Variants in SPTBN4 observed in about 807,000 individuals in gnomAD.
The protein encoded by SPTBN4 is spectrin beta chain, non-erythrocytic 4.
A neutral mutation model predicts 277.8 loss-of-function variants in SPTBN4; 96 were observed. The observed-to-expected ratio is 0.35, with a 90% CI of 0.29 to 0.41. The LOEUF is 0.41. Ranked by LOEUF, SPTBN4 falls within the 10% of genes least tolerant of loss-of-function variation. SPTBN4 has a pLI of 1.00. For synonymous variants in SPTBN4, 1,481 were observed against 1,580.3 expected, an observed-to-expected ratio of 0.94 and a Z score of 1.49; for missense variants, 3,006 against 3,595.7, an observed-to-expected ratio of 0.84 and a Z score of 4.19.
chr19:40,473,387 C>G (rs1381756302), intron 2 of SPTBN4, among the ~76,000 whole-genome samples: 5 of 93,890 alleles, frequency 5.3e-5, no homozygotes, highest in Non-Finnish European at 1.0e-4. Context: ...GACGGAGTTT[C>G]GCTCTTGTTG....
In SPTBN4 at chr19:40,486,523, C is replaced by T. The variant is rs2080074212; in HGVS notation, c.170-1174C>T. Reference sequence around the variant, plus strand: ...GAGATGGGACTACAGGGGCATTCCACCCTGCCTGGCTAATTTTTTGTATTT... The same window carrying T: ...GAGATGGGACTACAGGGGCATTCCATCCTGCCTGGCTAATTTTTTGTATTT... On this transcript the variant is annotated intron_variant, in intron 2 of 35. Coordinates refer to ENST00000598249, the MANE Select transcript of SPTBN4 (RefSeq NM_020971.3). Among the ~76,000 whole-genome samples the T allele has an allele frequency of 2.6e-5, 4 of 152,076 alleles. No homozygotes were observed. The South Asian group carries it at 8.3e-4, about 32-fold the overall frequency.
At chr19:40,530,287 T>G (rs1364672581) in intron 18 of SPTBN4, among the ~76,000 whole-genome samples, 2 of 151,964 alleles carry the variant, frequency 1.3e-5, no homozygotes, top group African/African-American at 4.8e-5. Flanking sequence ...CCCCCATCCC[T>G]CATGAGATTG....
rs2080329739 is a variant in SPTBN4 at position 40,506,324 on chromosome 19, C to A, written c.1754C>A (p.Ala585Asp). The A allele has an allele frequency of 6.2e-7, 1 of 1,613,978 alleles. No individual in the cohort carries two copies. The highest frequency in any genetic ancestry group is 1.3e-5 in the African/African-American group (1 of 74,936). The change falls in exon 13 of 36, where the codon GCC becomes GAC. Residue 585 changes from alanine to aspartate, a missense_variant. This residue lies in a region of SPTBN4 where 1,759 missense variants were observed against 2,061.5 expected (regional missense o/e 0.85). Coordinates refer to ENST00000598249, the MANE Select transcript of SPTBN4 (RefSeq NM_020971.3). ...QKHGLLEGDIAAQSERVEALN... is the reference protein window; with the variant it reads ...QKHGLLEGDIDAQSERVEALN... Reference sequence around the variant, plus strand: ...CATGGACTGCTGGAGGGAGACATTGCCGCCCAGAGCGAGCGGGTGGAGGCT... The same window carrying A: ...CATGGACTGCTGGAGGGAGACATTGACGCCCAGAGCGAGCGGGTGGAGGCT...
chr19:40,570,908 C>A, intron 33 of SPTBN4, 180 bp downstream of exon 33: 3 of 490,712 alleles, frequency 6.1e-6, no homozygotes, highest in South Asian at 5.5e-5. Context: ...AACCAATGAG[C>A]AGGAGGGGGT....
chr19:40,544,008 C>T (rs928804911), intron 20 of SPTBN4, among the ~76,000 whole-genome samples: 1 of 152,138 alleles, frequency 6.6e-6, no homozygotes, highest in East Asian at 1.9e-4. Flanking sequence ...CTCATCCCCT[C>T]CCCCAGTAAG....
chr19:40,509,642 A>T (rs2080369191), intron 13 of SPTBN4, among the ~76,000 whole-genome samples: 1 of 152,194 alleles, frequency 6.6e-6, no homozygotes, highest in South Asian at 2.1e-4. Context: ...GAGGAAACTG[A>T]GGCCCAGGCC....
chr19:40,544,377 C>T lies in SPTBN4; in HGVS notation c.4360-4812C>T, dbSNP rs183672403. On this transcript the variant is annotated intron_variant, in intron 20 of 35. Transcript: ENST00000598249. ...CAGCATGGTGTCTATCTCTTGACCT[C>T]GTGATCCGCCCGCCTCAGCCTTCCA... Among the ~76,000 whole-genome samples, 22 of 147,954 alleles carry T rather than the reference C, an allele frequency of 1.5e-4. No homozygotes were observed. The East Asian group carries it at 3.4e-3, about 23-fold the overall frequency.
At chr19:40,563,610 A>G (rs1299854629) in intron 27 of SPTBN4, among the ~76,000 whole-genome samples, 1 of 100,276 alleles carries the variant, frequency 1.0e-5, no homozygotes, top group Non-Finnish European at 2.0e-5. Flanking sequence ...GCAGTTTCGA[A>G]CTTCTGGCCT....
intron 20 of SPTBN4, among the ~76,000 whole-genome samples, chr19:40,544,440 CTTTTTT>C (rs3071333): frequency 1.7e-4 from 9 of 51,748 alleles, no homozygotes; most frequent in African/African-American, 2.7e-4. Flanking sequence ...TTGTGCCCGG[CTTTTTT>C]TTTTTTTTTT....
At chr19:40,529,227 G>A in intron 18 of SPTBN4, 96 bp downstream of exon 18, 1 of 1,216,966 alleles carries the variant, frequency 8.2e-7, no homozygotes, top group Non-Finnish European at 1.2e-6. Context: ...CCCCGTCTAA[G>A]TGGGTCGCGG....
intron 26 of SPTBN4, 105 bp downstream of exon 26, chr19:40,557,508 C>A: frequency 7.3e-7 from 1 of 1,378,860 alleles, no homozygotes; most frequent in Non-Finnish European, 9.6e-7. Context: ...TAGGCAGTGG[C>A]ACAGACAGAA....
At chr19:40,520,986 G>A (rs1049158201) in intron 16 of SPTBN4, among the ~76,000 whole-genome samples, 3 of 151,846 alleles carry the variant, frequency 2.0e-5, no homozygotes, top group East Asian at 3.9e-4. Flanking sequence ...GGGCAGTGGC[G>A]TGATCTCAGC....
At position 40,519,932 on chromosome 19, in the gene SPTBN4, C is replaced by A; in HGVS notation, c.3435C>A (p.Asp1145Glu). The A allele has an allele frequency of 6.4e-7, 1 of 1,558,384 alleles. No individual in the cohort carries two copies. The highest frequency in any genetic ancestry group is 8.6e-7 in the Non-Finnish European group (1 of 1,159,502). Residue 1145 changes from aspartate to glutamate, a missense_variant, in exon 16 of 36, where the codon GAC becomes GAA. Asp to Glu is a conservative substitution (Grantham distance 45). Coordinates refer to ENST00000598249, the MANE Select transcript of SPTBN4 (RefSeq NM_020971.3). The surrounding 1 kb of genome is among the most constrained non-coding windows in gnomAD (Gnocchi z 5.7). ...LKEEVDQREEDYARIVAASEA... is the reference protein window; with the variant it reads ...LKEEVDQREEEYARIVAASEA... ...AGGAGGTGGACCAGCGCGAGGAAGACTATGCTCGCATCGTGGCGGCCAGCG... is the reference window on the plus strand; with the variant it reads ...AGGAGGTGGACCAGCGCGAGGAAGAATATGCTCGCATCGTGGCGGCCAGCG...
At chr19:40,472,849 A>G in intron 2 of SPTBN4, 59 bp downstream of exon 2, 1 of 1,438,996 alleles carries the variant, frequency 6.9e-7, no homozygotes, top group South Asian at 1.3e-5. Flanking sequence ...AGGGTGCCCG[A>G]GAACCTTGGT....
Position 40,502,864 on chromosome 19 carries a change from A to G in SPTBN4, c.1293A>G (p.Ala431=). 1 of 1,613,910 alleles carries G rather than the reference A, an allele frequency of 6.2e-7. No individual in the cohort carries two copies. The change falls in exon 11 of 36, where the codon GCA becomes GCG. Residue 431 remains alanine (A), a synonymous_variant. Coordinates refer to ENST00000598249, the MANE Select transcript of SPTBN4 (RefSeq NM_020971.3). The surrounding 1 kb of genome is among the most constrained non-coding windows in gnomAD (Gnocchi z 4.9). ...LIRQEKLELL[A]QRFDHKVAMR... ...GGCAGGAGAAGCTGGAACTACTGGC[A>G]CAGAGGTTTGACCACAAGGTGGCTA...
intron 20 of SPTBN4, among the ~76,000 whole-genome samples, chr19:40,543,888 T>C (rs2080827056): frequency 6.6e-6 from 1 of 152,198 alleles, no homozygotes; most frequent in Non-Finnish European, 1.5e-5. Flanking sequence ...CTTTTCATGT[T>C]TAATTTCAAT....
At chr19:40,503,169 G>A (rs534803771) in intron 11 of SPTBN4, among the ~76,000 whole-genome samples, 1 of 151,998 alleles carries the variant, frequency 6.6e-6, no homozygotes, top group Non-Finnish European at 1.5e-5. Context: ...GGTAACTAGA[G>A]AGGGCAGAAT....
At chr19:40,516,286 A>T (rs2080460163) in intron 15 of SPTBN4, among the ~76,000 whole-genome samples, 1 of 150,834 alleles carries the variant, frequency 6.6e-6, no homozygotes. Context: ...CATAGTAAAG[A>T]TCCTAGAATT....
chr19:40,560,372 G>T lies in SPTBN4; in HGVS notation c.5884G>T (p.Ala1962Ser). The stretch of plus-strand genomic sequence containing the variant: ...CCTGCTCTCCTGGATGGATGGCATC[G>T]CCAGCCAGATTGGGGCAGCCGACAA... ...RDLLSWMDGI[A>S]SQIGAADKPR... The change falls in exon 27 of 36, where the codon GCC becomes TCC. Residue 1962 changes from alanine (A) to serine (S), a missense_variant. Coordinates refer to ENST00000598249, the MANE Select transcript of SPTBN4 (RefSeq NM_020971.3). This position sits in a 1 kb window ranked among gnomAD's most constrained non-coding sequence, Gnocchi z 5.2. 1 of 1,613,830 alleles carries T rather than the reference G, an allele frequency of 6.2e-7. No individual in the cohort carries two copies. Among genetic ancestry groups the T allele is most frequent in the Non-Finnish European group, 8.5e-7 (1 of 1,180,032 alleles).
Sources: allele counts gnomAD v4.1 joint callset (sites outside exome capture counted in the v4.1 genomes callset), GRCh38; gene constraint gnomAD v4.1.1; regional missense constraint gnomAD v4.1.1; non-coding constraint Gnocchi (gnomAD v3.1); transcripts MANE v1.5; gene names NCBI Gene and HGNC (gene_info 2026-07-23, HGNC 2026-07-21).